The following CAMKMT variants were observed in gnomAD, a reference collection of about 807,000 sequenced individuals.
CAMKMT encodes the protein calmodulin-lysine N-methyltransferase.
Under a neutral mutation model 48.0 loss-of-function variants are expected in CAMKMT, and 53 were observed. The observed-to-expected ratio is 1.10, with a 90% CI of 0.89 to 1.39. CAMKMT has a LOEUF of 1.39. Among genes scored for constraint, CAMKMT ranks in the 40% most tolerant of loss-of-function variants. CAMKMT has a pLI of 0.00. For missense variants in CAMKMT, 428 were observed against 402.7 expected, an observed-to-expected ratio of 1.06 and a Z score of -0.54; for synonymous variants, 165 against 152.3, an observed-to-expected ratio of 1.08 and a Z score of -0.61.
intron 7 of CAMKMT, among the ~76,000 whole-genome samples, chr2:44,739,761 G>C (rs1371151647): frequency 2.6e-5 from 4 of 152,178 alleles, no homozygotes; most frequent in Non-Finnish European, 1.5e-5. Flanking sequence ...ATTGGCAACA[G>C]AGCGTCAAAC....
At chr2:44,383,296 C>CT (rs1680444336) in intron 2 of CAMKMT, among the ~76,000 whole-genome samples, 1 of 152,054 alleles carries the variant, frequency 6.6e-6, no homozygotes, top group Non-Finnish European at 1.5e-5. Context: ...TCCCGAGAGG[C>CT]TGGGACTACA....
At chr2:44,409,320 C>G (rs923623134) in intron 3 of CAMKMT, among the ~76,000 whole-genome samples, 1 of 152,024 alleles carries the variant, frequency 6.6e-6, no homozygotes, top group African/African-American at 2.4e-5. Flanking sequence ...ATAATCATGA[C>G]TTACTGGTGA....
Position 44,362,239 on chromosome 2 carries a change from G to A in CAMKMT, c.138+94G>A, listed in dbSNP as rs954001390. ...TGTTCGCAGTTCTTTCCTCTTGGCA[G>A]CTCTGGGAGACCCTTCTCAGTTTGC... On this transcript the variant is annotated intron_variant, in intron 1 of 10. Coordinates refer to ENST00000378494, the MANE Select transcript of CAMKMT (RefSeq NM_024766.5). 1.2e-5 allele frequency: 14 copies of A among 1,148,922 alleles called. No individual in the cohort carries two copies. In the Admixed American group the frequency reaches 1.6e-4, roughly 13 times the overall value. 71.2% of individuals were successfully genotyped at this position (1,148,922 alleles called of 1,614,324 possible).
intron 3 of CAMKMT, among the ~76,000 whole-genome samples, chr2:44,396,567 G>A (rs1283685096): frequency 6.6e-6 from 1 of 152,040 alleles, no homozygotes; most frequent in Non-Finnish European, 1.5e-5. Context: ...TGCTTATCAG[G>A]TTGGCAAAGA....
chr2:44,462,433 A>G (rs1667894798), intron 3 of CAMKMT, among the ~76,000 whole-genome samples: 1 of 152,116 alleles, frequency 6.6e-6, no homozygotes, highest in African/African-American at 2.4e-5. Flanking sequence ...TGAAACTTGG[A>G]AATTTTTTTT....
intron 3 of CAMKMT, among the ~76,000 whole-genome samples, chr2:44,632,421 A>C (rs1217758444): frequency 6.6e-6 from 1 of 152,194 alleles, no homozygotes; most frequent in Non-Finnish European, 1.5e-5. Flanking sequence ...AATAAATTTC[A>C]TCGTATGTAT....
chr2:44,520,123 G>T (rs1372908747), intron 3 of CAMKMT, among the ~76,000 whole-genome samples: 2 of 152,154 alleles, frequency 1.3e-5, no homozygotes, highest in African/African-American at 4.8e-5. Context: ...GGAGGCTGAG[G>T]CAGGAGAATG....
chr2:44,652,609 C>A (rs186781065), intron 3 of CAMKMT, among the ~76,000 whole-genome samples: 29 of 152,206 alleles, frequency 1.9e-4, no homozygotes, highest in Non-Finnish European at 3.2e-4. Flanking sequence ...CACTGCCTCC[C>A]CCTCTCCAAA....
intron 3 of CAMKMT, among the ~76,000 whole-genome samples, chr2:44,674,996 T>G (rs1041052146): frequency 6.6e-6 from 1 of 151,940 alleles, no homozygotes; most frequent in African/African-American, 2.4e-5. Flanking sequence ...TTGATCCTTC[T>G]CTCTATTGCA....
chr2:44,584,819 C>G (rs2103787574), intron 3 of CAMKMT, among the ~76,000 whole-genome samples: 1 of 152,098 alleles, frequency 6.6e-6, no homozygotes, highest in East Asian at 1.9e-4. Flanking sequence ...CTTTGGGAGG[C>G]TGAAGCGGGT....
At chr2:44,435,163 A>G (rs1197950357) in intron 3 of CAMKMT, among the ~76,000 whole-genome samples, 1 of 152,170 alleles carries the variant, frequency 6.6e-6, no homozygotes, top group African/African-American at 2.4e-5. Flanking sequence ...TGTAACCTCG[A>G]TTTTATAAAA....
intron 3 of CAMKMT, among the ~76,000 whole-genome samples, chr2:44,449,855 A>G (rs1667199657): frequency 6.6e-6 from 1 of 152,068 alleles, no homozygotes; most frequent in Admixed American, 6.6e-5. Context: ...TTTCCTTTGG[A>G]GGACTGGTAA....
intron 3 of CAMKMT, among the ~76,000 whole-genome samples, chr2:44,395,397 G>C (rs999662102): frequency 6.6e-6 from 1 of 152,016 alleles, no homozygotes; most frequent in Admixed American, 6.6e-5. Flanking sequence ...TGTAGTGTAT[G>C]TGTATACATA....
intron 6 of CAMKMT, among the ~76,000 whole-genome samples, chr2:44,713,084 T>C (rs17032550): frequency 0.12 from 17,731 of 152,058 alleles, 2,856 homozygotes; most frequent in African/African-American, 0.37. Context: ...ATTTAAAAAA[T>C]TGCTTCTAGA....
intron 7 of CAMKMT, among the ~76,000 whole-genome samples, chr2:44,719,840 T>C (rs1166333394): frequency 6.6e-6 from 1 of 152,166 alleles, no homozygotes; most frequent in African/African-American, 2.4e-5. Context: ...GGAAGGTTAG[T>C]AGAAGGTAAC....
chr2:44,542,646 G>C (rs1470842581), intron 3 of CAMKMT, among the ~76,000 whole-genome samples: 2 of 152,072 alleles, frequency 1.3e-5, no homozygotes, highest in African/African-American at 4.8e-5. Flanking sequence ...ATCTAAATGA[G>C]TTAGTTGCAA....
At chr2:44,387,116 T>C (rs970147045) in intron 2 of CAMKMT, among the ~76,000 whole-genome samples, 4 of 152,184 alleles carry the variant, frequency 2.6e-5, no homozygotes, top group African/African-American at 9.6e-5. Context: ...CAGTGGAGTA[T>C]TGAAGTCCTC....
At chr2:44,671,435 T>C (rs1675320014) in intron 3 of CAMKMT, among the ~76,000 whole-genome samples, 1 of 152,204 alleles carries the variant, frequency 6.6e-6, no homozygotes, top group Non-Finnish European at 1.5e-5. Context: ...CCTTGTAATT[T>C]ATTTAGAGCC....
intron 3 of CAMKMT, among the ~76,000 whole-genome samples, chr2:44,405,432 G>A (rs1269847490): frequency 6.6e-6 from 1 of 152,044 alleles, no homozygotes; most frequent in African/African-American, 2.4e-5. Context: ...TAGGTGTTGA[G>A]TAATGCATAA....
Sources: gnomAD v4.1 joint callset for allele counts (sites outside exome capture counted in the v4.1 genomes callset) on GRCh38, gnomAD v4.1.1 for gene constraint, MANE v1.5 for transcripts, NCBI Gene and HGNC (gene_info 2026-07-23, HGNC 2026-07-21) for gene names.